The following PPP2R2B variants were observed in gnomAD, a reference collection of about 807,000 sequenced individuals.
PPP2R2B encodes the protein protein phosphatase 2 regulatory subunit Bbeta, also known as serine/threonine-protein phosphatase 2A 55 kDa regulatory subunit B beta isoform.
PPP2R2B carries 5 observed loss-of-function variants against 46.0 expected under a neutral mutation model. That is an observed-to-expected ratio of 0.11 (90% confidence interval 0.06 to 0.23). PPP2R2B has a LOEUF of 0.23. Among genes scored for constraint, PPP2R2B ranks in the 10% least tolerant of loss-of-function variants. PPP2R2B has a pLI of 1.00. For synonymous variants in PPP2R2B, 215 were observed against 206.7 expected (o/e 1.04, Z -0.34); for missense variants, 367 against 575.0 (o/e 0.64, Z 3.70).
At chr5:146,930,975 C>A (rs1763949448) in intron 1 of PPP2R2B, among the ~76,000 whole-genome samples, 1 of 152,044 alleles carries the variant, frequency 6.6e-6, no homozygotes, top group South Asian at 2.1e-4. Flanking sequence ...AATAAAGATC[C>A]CCTCACGTGT....
intron 1 of PPP2R2B, among the ~76,000 whole-genome samples, chr5:146,906,607 C>A (rs746447759): frequency 1.9e-4 from 29 of 152,216 alleles, no homozygotes; most frequent in Non-Finnish European, 3.4e-4. Context: ...CAGGCGTGAG[C>A]CACCGCACCT....
At chr5:146,967,027 C>T (rs1752448812) in intron 1 of PPP2R2B, among the ~76,000 whole-genome samples, 1 of 152,140 alleles carries the variant, frequency 6.6e-6, no homozygotes, top group African/African-American at 2.4e-5. Context: ...ATAGTTTCAC[C>T]TATTTTACAG....
At chr5:146,721,639 G>A (rs543682813) in intron 2 of PPP2R2B, among the ~76,000 whole-genome samples, 10 of 152,332 alleles carry the variant, frequency 6.6e-5, no homozygotes, top group South Asian at 4.1e-4. Flanking sequence ...CCAGGCTGCC[G>A]CCCTGTGCGC....
chr5:146,638,605 C>T (rs1427304178), intron 6 of PPP2R2B, among the ~76,000 whole-genome samples, 190 bp from the exon 7 acceptor site: 1 of 152,162 alleles, frequency 6.6e-6, no homozygotes. Context: ...CCCAGGGTTA[C>T]CCAGTAGTCA....
At chr5:147,050,059 AG>A (rs1235496257) in intron 1 of PPP2R2B, among the ~76,000 whole-genome samples, 1 of 152,206 alleles carries the variant, frequency 6.6e-6, no homozygotes, top group Non-Finnish European at 1.5e-5. Flanking sequence ...GAACAAGTGC[AG>A]GAGTGATGTG....
At chr5:146,633,125 A>G (rs1382628356) in intron 7 of PPP2R2B, among the ~76,000 whole-genome samples, 3 of 152,154 alleles carry the variant, frequency 2.0e-5, no homozygotes. Context: ...CCCTGTCACT[A>G]CCGCCAGAAG....
chr5:146,697,750 TG>T (rs1490494446), intron 4 of PPP2R2B, among the ~76,000 whole-genome samples: 1 of 152,166 alleles, frequency 6.6e-6, no homozygotes, highest in Admixed American at 6.5e-5. Context: ...CTGCAGATAA[TG>T]GGTCTCACAT....
rs1275660611 is a variant in PPP2R2B, at chr5:146,587,130, G to A, written c.*2817C>T. Reference sequence around the variant, plus strand: ...AAGGTAGCAAATCAGCCTTCAAGTAGTTTTTAGTGTCAGCAGGAAAACAGA... The same window carrying A: ...AAGGTAGCAAATCAGCCTTCAAGTAATTTTTAGTGTCAGCAGGAAAACAGA... On this transcript the variant is annotated 3_prime_UTR_variant, in exon 10 of 10. Transcript: ENST00000394411. 4.6e-5 allele frequency: 7 copies of A among 152,204 alleles called. No individual in the cohort carries two copies. Among genetic ancestry groups the A allele is most frequent in the Admixed American group, 1.3e-4 (2 of 15,280 alleles). 9.4% of individuals were successfully genotyped at this position (152,204 alleles called of 1,614,324 possible).
At chr5:146,901,675 G>T (rs1017116347) in intron 1 of PPP2R2B, among the ~76,000 whole-genome samples, 1 of 152,074 alleles carries the variant, frequency 6.6e-6, no homozygotes, top group African/African-American at 2.4e-5. Context: ...AGTCTAGGAA[G>T]ATAATGAAGA....
intron 1 of PPP2R2B, among the ~76,000 whole-genome samples, chr5:146,928,196 T>C (rs2151819834): frequency 6.6e-6 from 1 of 152,334 alleles, no homozygotes; most frequent in Non-Finnish European, 1.5e-5. Context: ...TCTGAACCTT[T>C]GCACTTATTC....
At chr5:146,933,817 T>C (rs1764047476) in intron 1 of PPP2R2B, among the ~76,000 whole-genome samples, 1 of 148,790 alleles carries the variant, frequency 6.7e-6, no homozygotes, top group African/African-American at 2.5e-5. Flanking sequence ...TATCTCCCAA[T>C]GCTATCCCTC....
chr5:147,071,507 C>T (rs1179954285), intron 2 of PPP2R2B, among the ~76,000 whole-genome samples: 1 of 152,146 alleles, frequency 6.6e-6, no homozygotes, highest in Non-Finnish European at 1.5e-5. Context: ...CCTCCTTTGC[C>T]TACTCAACTT....
intron 5 of PPP2R2B, among the ~76,000 whole-genome samples, chr5:146,689,115 T>C (rs1214753367): frequency 2.0e-5 from 3 of 152,178 alleles, no homozygotes; most frequent in Non-Finnish European, 4.4e-5. Flanking sequence ...ATAGCCATGA[T>C]GACGATGATG....
At chr5:147,020,519 A>G (rs10056515) in intron 1 of PPP2R2B, among the ~76,000 whole-genome samples, 91,701 of 151,824 alleles carry the variant, frequency 0.6, 28,192 homozygotes, top group African/African-American at 0.69. Flanking sequence ...TAAAGAAGAT[A>G]AACAAAAAAG....
intron 9 of PPP2R2B, among the ~76,000 whole-genome samples, chr5:146,590,653 G>C (rs776666556): frequency 1.3e-5 from 2 of 152,076 alleles, no homozygotes; most frequent in African/African-American, 4.8e-5. Flanking sequence ...CGTGTTTAAG[G>C]TTTGGCCACT....
chr5:146,825,543 G>A (rs1038825382), intron 2 of PPP2R2B, among the ~76,000 whole-genome samples: 3 of 152,158 alleles, frequency 2.0e-5, no homozygotes, highest in African/African-American at 7.2e-5. Context: ...TGTATCATAA[G>A]TGTTTTTTCT....
chr5:146,675,820 T>TTCTC (rs142697000), intron 5 of PPP2R2B, among the ~76,000 whole-genome samples: 1 of 149,946 alleles, frequency 6.7e-6, no homozygotes, highest in African/African-American at 2.4e-5. Flanking sequence ...CCTCAGTCAC[T>TTCTC]TCTCTCTCTC....
intron 1 of PPP2R2B, among the ~76,000 whole-genome samples, chr5:147,029,210 A>G (rs1429765472): frequency 6.6e-6 from 1 of 152,136 alleles, no homozygotes; most frequent in Non-Finnish European, 1.5e-5. Context: ...ATGTCATTTT[A>G]AACGTTTTAA....
chr5:146,672,605 G>A (rs370459310), intron 5 of PPP2R2B, among the ~76,000 whole-genome samples: 1 of 152,122 alleles, frequency 6.6e-6, no homozygotes, highest in African/African-American at 2.4e-5. Flanking sequence ...ACAGAAAACT[G>A]CTTGCAGAAA....
Sources: gnomAD v4.1 joint callset for allele counts (sites outside exome capture counted in the v4.1 genomes callset) on GRCh38, gnomAD v4.1.1 for gene constraint, MANE v1.5 for transcripts, NCBI Gene and HGNC (gene_info 2026-07-23, HGNC 2026-07-21) for gene names.